The following SDK1 variants were observed in gnomAD, a reference collection of about 807,000 sequenced individuals.
The protein encoded by SDK1 is sidekick cell adhesion molecule 1.
A neutral mutation model predicts 245.5 loss-of-function variants in SDK1; 157 were observed. The observed-to-expected ratio is 0.64, with a 90% confidence interval of 0.56 to 0.73. The LOEUF is 0.73. Among genes scored for constraint, SDK1 ranks in the 30% least tolerant of loss-of-function variants. The probability of loss-of-function intolerance (pLI) is 0.00; values close to 1 mark genes in which losing one functional copy is unlikely to be tolerated. For synonymous variants in SDK1, 1,647 were observed against 1,278.5 expected (o/e 1.29, Z -6.15); for missense variants, 3,583 against 3,002.3 (o/e 1.19, Z -4.52).
chr7:3,484,651 C>T (rs1309790875), intron 1 of SDK1, among the ~76,000 whole-genome samples: 3 of 152,180 alleles, frequency 2.0e-5, no homozygotes, highest in Non-Finnish European at 2.9e-5. Context: ...AACCTCGCCT[C>T]ACACTTTCCT....
At chr7:4,156,725 A>C (rs1229341021) in intron 30 of SDK1, among the ~76,000 whole-genome samples, 1 of 152,250 alleles carries the variant, frequency 6.6e-6, no homozygotes, top group Non-Finnish European at 1.5e-5. Flanking sequence ...GGCCGAATGC[A>C]TAAACCTGAT....
chr7:3,418,571 A>G (rs1166730820), intron 1 of SDK1, among the ~76,000 whole-genome samples: 1 of 152,202 alleles, frequency 6.6e-6, no homozygotes, highest in Middle Eastern at 3.2e-3. Context: ...AGGACTTGAA[A>G]CATAGCCTTA....
intron 2 of SDK1, among the ~76,000 whole-genome samples, chr7:3,626,873 A>C (rs1782139312): frequency 6.6e-6 from 1 of 152,066 alleles, no homozygotes; most frequent in African/African-American, 2.4e-5. Flanking sequence ...TTGGGAAAAA[A>C]ACAAATAGAT....
chr7:3,951,652 T>C, intron 6 of SDK1, 78 bp from the exon 7 acceptor site: 1 of 1,333,838 alleles, frequency 7.5e-7, no homozygotes, highest in South Asian at 1.2e-5. Flanking sequence ...GTCAAGCCTG[T>C]GCCGAGTGCC....
intron 1 of SDK1, among the ~76,000 whole-genome samples, chr7:3,347,480 A>G (rs911249232): frequency 2.0e-5 from 3 of 152,188 alleles, no homozygotes; most frequent in African/African-American, 4.8e-5. Flanking sequence ...TGATTACTAC[A>G]GTCAAGGCTC....
chr7:3,434,811 G>GA (rs1294547649), intron 1 of SDK1, among the ~76,000 whole-genome samples: 4 of 152,072 alleles, frequency 2.6e-5, no homozygotes, highest in African/African-American at 9.7e-5. Context: ...ATCATGGGGG[G>GA]GGACAGAGCA....
intron 5 of SDK1, among the ~76,000 whole-genome samples, chr7:3,926,617 T>C (rs1779779079): frequency 6.6e-6 from 1 of 152,126 alleles, no homozygotes; most frequent in South Asian, 2.1e-4. Context: ...GGGCTCAAGC[T>C]GTCTGCCCAC....
chr7:3,407,466 C>G (rs1041314979), intron 1 of SDK1, among the ~76,000 whole-genome samples: 3 of 152,076 alleles, frequency 2.0e-5, no homozygotes, highest in Non-Finnish European at 4.4e-5. Flanking sequence ...CTGCTTTAAT[C>G]TCTGCAATTA....
chr7:3,480,825 A>G (rs953672001), intron 1 of SDK1, among the ~76,000 whole-genome samples: 12 of 152,176 alleles, frequency 7.9e-5, no homozygotes, highest in African/African-American at 2.9e-4. Context: ...ATTCATCTCT[A>G]GAGCTTCTGG....
At chr7:3,552,777 C>G (rs1422636836) in intron 1 of SDK1, among the ~76,000 whole-genome samples, 4 of 152,170 alleles carry the variant, frequency 2.6e-5, no homozygotes, top group Non-Finnish European at 5.9e-5. Context: ...ATTACCTTCT[C>G]AGAACAAAGC....
intron 26 of SDK1, among the ~76,000 whole-genome samples, chr7:4,129,362 GT>G (rs1562853006): frequency 3.5e-5 from 5 of 144,864 alleles, no homozygotes; most frequent in East Asian, 4.3e-4. Flanking sequence ...GCAGCTTGGG[GT>G]TGGGTGCCCT....
chr7:3,378,496 G>T (rs190489075), intron 1 of SDK1, among the ~76,000 whole-genome samples: 17 of 152,170 alleles, frequency 1.1e-4, no homozygotes, highest in Non-Finnish European at 2.4e-4. Flanking sequence ...TGTACCCAGG[G>T]GTCAGGAGTG....
intron 5 of SDK1, among the ~76,000 whole-genome samples, chr7:3,903,365 G>A (rs549086527): frequency 6.5e-4 from 99 of 152,040 alleles, no homozygotes; most frequent in Non-Finnish European, 1.2e-3. Context: ...GGATGGTCTC[G>A]ATCATCTGCT....
At position 3,727,165 on chromosome 7, in the gene SDK1, A is replaced by G. The variant is rs535776969; in HGVS notation, c.713+85060A>G. On this transcript the variant is annotated intron_variant, in intron 4 of 44. Coordinates refer to ENST00000404826, the MANE Select transcript of SDK1 (RefSeq NM_152744.4). ...GATTTTCACAATTTTCACTTGCATC[A>G]TAAATAGGTGTTGGCAAAAGTATCA... is the stretch of plus-strand genomic sequence containing the variant. Among the ~76,000 whole-genome samples the G allele has an allele frequency of 7.9e-5, 12 of 152,354 alleles. 1 individual carries two copies. Among genetic ancestry groups the G allele is most frequent in the African/African-American group, 2.9e-4 (12 of 41,592 alleles).
chr7:4,089,102 T>C (rs6946797), intron 22 of SDK1, among the ~76,000 whole-genome samples: 10 of 135,496 alleles, frequency 7.4e-5, no homozygotes, highest in Admixed American at 2.1e-4. Flanking sequence ...TAAGACCCTC[T>C]CTCAGGCGGA....
At chr7:3,632,827 A>G (rs781218308) in intron 2 of SDK1, among the ~76,000 whole-genome samples, 43 of 152,218 alleles carry the variant, frequency 2.8e-4, no homozygotes, top group Non-Finnish European at 5.7e-4. Flanking sequence ...AACAAATTTC[A>G]GTTTGAATTG....
chr7:3,688,731 C>T (rs890805413), intron 4 of SDK1, among the ~76,000 whole-genome samples: 1 of 152,138 alleles, frequency 6.6e-6, no homozygotes, highest in Non-Finnish European at 1.5e-5. Context: ...CTACAGTGAA[C>T]TTTTTAGAGG....
chr7:3,625,204 A>G (rs1208910393), intron 2 of SDK1, among the ~76,000 whole-genome samples: 1 of 152,228 alleles, frequency 6.6e-6, no homozygotes, highest in Non-Finnish European at 1.5e-5. Context: ...CAAAGGGAAT[A>G]TTTGAATGAT....
chr7:4,162,381 A>G (rs918209877), intron 32 of SDK1, among the ~76,000 whole-genome samples: 1,203 of 115,626 alleles, frequency 0.01, 37 homozygotes, highest in Admixed American at 0.062. Context: ...TATTATTATT[A>G]TTATTATTAT....
Sources: gnomAD v4.1 joint callset for allele counts (sites outside exome capture counted in the v4.1 genomes callset) on GRCh38, gnomAD v4.1.1 for gene constraint, MANE v1.5 for transcripts, NCBI Gene and HGNC (gene_info 2026-07-23, HGNC 2026-07-21) for gene names.